Variants in RNLS observed in about 807,000 individuals in gnomAD.
The protein encoded by RNLS is renalase.
Under a neutral mutation model 39.8 loss-of-function variants are expected in RNLS, and 39 were observed. The observed-to-expected ratio is 0.98, with a 90% CI of 0.76 to 1.28. The LOEUF is 1.28. Among genes scored for constraint, RNLS ranks in the 50% most tolerant of loss-of-function variants. The pLI, the probability that RNLS is intolerant of heterozygous loss-of-function variation, is 0.00. For missense variants in RNLS, 410 were observed against 413.3 expected (o/e 0.99, Z 0.07); for synonymous variants, 147 against 150.7 (o/e 0.98, Z 0.18).
intron 5 of RNLS, among the ~76,000 whole-genome samples, chr10:88,353,115 C>T (rs184412438): frequency 2.5e-4 from 38 of 152,104 alleles, no homozygotes; most frequent in Admixed American, 5.2e-4. Flanking sequence ...GTCTTGGTAG[C>T]GGTCTATCAA....
intron 5 of RNLS, among the ~76,000 whole-genome samples, chr10:88,353,235 T>C (rs1848869025): frequency 6.6e-6 from 1 of 152,240 alleles, no homozygotes; most frequent in African/African-American, 2.4e-5. Flanking sequence ...ATCTTAGTTA[T>C]TTCCTGCCTT....
intron 4 of RNLS, among the ~76,000 whole-genome samples, chr10:88,538,789 G>A: frequency 6.6e-6 from 1 of 152,002 alleles, no homozygotes; most frequent in Non-Finnish European, 1.5e-5. Flanking sequence ...AAATGTATAT[G>A]GCTGCTGACT....
At chr10:88,259,329 T>C in the RNLS span, 1 of 152,236 alleles carries the variant, frequency 6.6e-6, no homozygotes, top group Admixed American at 6.5e-5. Context: ...AGGGCATTGA[T>C]TTTAATTGGA....
chr10:88,458,979 T>C (rs577775841), intron 4 of RNLS, among the ~76,000 whole-genome samples: 1 of 152,330 alleles, frequency 6.6e-6, no homozygotes, highest in African/African-American at 2.4e-5. Flanking sequence ...CCTGGTGGTA[T>C]AGGCCCTTAT....
In RNLS at chr10:88,388,398, C is replaced by A. The variant is rs118130672; in HGVS notation, c.527-25673G>T. ...CTTGAAATCCATTCTCTGGACTATG[C>A]CATCCTGCTTAAAACATGCCTGAGA... On this transcript the variant is annotated intron_variant, in intron 4 of 6. Coordinates refer to ENST00000331772, the MANE Select transcript of RNLS (RefSeq NM_001031709.3). Among the ~76,000 whole-genome samples the A allele has an allele frequency of 5.1e-4, 78 of 152,290 alleles. 2 individuals carry two copies. The East Asian group carries it at 0.011, about 22-fold the overall frequency.
chr10:88,533,328 G>A (rs769746573), intron 4 of RNLS, among the ~76,000 whole-genome samples: 7 of 151,984 alleles, frequency 4.6e-5, no homozygotes, highest in Non-Finnish European at 8.8e-5. Flanking sequence ...ATAAAAGGAG[G>A]CAGCCTTGAA....
intron 4 of RNLS, among the ~76,000 whole-genome samples, chr10:88,564,961 T>C (rs563178370): frequency 1.3e-5 from 2 of 152,298 alleles, no homozygotes; most frequent in Non-Finnish European, 2.9e-5. Context: ...ATGATACTTA[T>C]GTTAATCCTA....
intron 4 of RNLS, among the ~76,000 whole-genome samples, chr10:88,562,182 T>C (rs1050979293): frequency 6.6e-6 from 1 of 152,108 alleles, no homozygotes; most frequent in African/African-American, 2.4e-5. Flanking sequence ...TTGGGGATCT[T>C]ATCACCCAAT....
At chr10:88,485,887 T>G (rs1417166558) in intron 4 of RNLS, among the ~76,000 whole-genome samples, 1 of 151,916 alleles carries the variant, frequency 6.6e-6, no homozygotes, top group Non-Finnish European at 1.5e-5. Context: ...GTACTAAAAA[T>G]CAATAAAATT....
the RNLS span, among the ~76,000 whole-genome samples, chr10:88,179,249 T>C: frequency 2.6e-5 from 4 of 152,198 alleles, no homozygotes; most frequent in Non-Finnish European, 5.9e-5. Context: ...TGAGAAGTTA[T>C]TACTGCAAAG....
chr10:88,371,024 C>G (rs1362978570), intron 4 of RNLS, among the ~76,000 whole-genome samples: 2 of 152,130 alleles, frequency 1.3e-5, no homozygotes, highest in African/African-American at 4.8e-5. Context: ...GGAAATATTT[C>G]TTTCATCCTG....
chr10:88,503,490 T>A (rs1845616406), intron 4 of RNLS, among the ~76,000 whole-genome samples: 1 of 152,152 alleles, frequency 6.6e-6, no homozygotes, highest in Non-Finnish European at 1.5e-5. Context: ...TCAAATTTTT[T>A]TAATATTGAA....
intron 6 of RNLS, chr10:88,309,564 T>C (rs951213749): frequency 1.3e-5 from 11 of 819,942 alleles, no homozygotes; most frequent in Admixed American, 2.3e-5. Context: ...TATGGGTAAC[T>C]GAGGTAATCA....
In RNLS at chr10:88,524,879, T is replaced by C. The variant is rs539416560; in HGVS notation, c.526+48024A>G. On this transcript the variant is annotated intron_variant, in intron 4 of 6. Coordinates refer to ENST00000331772, the MANE Select transcript of RNLS (RefSeq NM_001031709.3). ...CAAAATAAAATCACGCTTCAGCTTA[T>C]TTTCCCAGTCTGGCAACCTAATGGC... Among the ~76,000 whole-genome samples the C allele has an allele frequency of 4.7e-5, 7 of 148,732 alleles. No homozygotes were observed. The East Asian group carries it at 1.2e-3, about 25-fold the overall frequency.
At chr10:88,235,988 G>A in the RNLS span, among the ~76,000 whole-genome samples, 1 of 151,964 alleles carries the variant, frequency 6.6e-6, no homozygotes, top group East Asian at 1.9e-4. Context: ...AAGAAATTAT[G>A]TGAAAATTTT....
At chr10:88,201,660 C>A in the RNLS span, among the ~76,000 whole-genome samples, 6 of 150,470 alleles carry the variant, frequency 4.0e-5, no homozygotes, top group Non-Finnish European at 5.9e-5. Flanking sequence ...CTCGCTGAAC[C>A]CTTCTTAGAT....
At chr10:88,302,124 A>G (rs182362641) in intron 6 of RNLS, among the ~76,000 whole-genome samples, 1 of 152,342 alleles carries the variant, frequency 6.6e-6, no homozygotes, top group African/African-American at 2.4e-5. Context: ...CCATTTACAG[A>G]TGAGGACCTT....
chr10:88,250,796 T>TA, the RNLS span, among the ~76,000 whole-genome samples: 4 of 152,182 alleles, frequency 2.6e-5, no homozygotes, highest in Admixed American at 2.6e-4. Context: ...ATAACTTCAT[T>TA]AACTCAAACT....
intron 3 of RNLS, among the ~76,000 whole-genome samples, chr10:88,574,930 T>C (rs1045507579): frequency 4.0e-5 from 6 of 151,876 alleles, no homozygotes; most frequent in Admixed American, 3.9e-4. Context: ...TCCATGGCCC[T>C]GTCCCAGACC....
Sources: gnomAD v4.1 joint callset for allele counts (sites outside exome capture counted in the v4.1 genomes callset) on GRCh38, gnomAD v4.1.1 for gene constraint, MANE v1.5 for transcripts, NCBI Gene and HGNC (gene_info 2026-07-23, HGNC 2026-07-21) for gene names.